Variants in FBXO36 observed in about 807,000 individuals in gnomAD.
FBXO36 encodes the protein F-box protein 36.
FBXO36 carries 18 observed loss-of-function variants against 17.0 expected under a neutral mutation model. The observed-to-expected ratio is 1.06, with a 90% CI of 0.73 to 1.57. FBXO36 has a LOEUF of 1.57. Among genes scored for constraint, FBXO36 ranks in the 40% most tolerant of loss-of-function variants. The pLI, the probability that FBXO36 is intolerant of heterozygous loss-of-function variation, is 0.00. For missense variants in FBXO36, 229 were observed against 221.9 expected (o/e 1.03, Z -0.20); for synonymous variants, 83 against 85.3 (o/e 0.97, Z 0.15).
At chr2:229,982,097 C>A (rs2077243497) in intron 2 of FBXO36, among the ~76,000 whole-genome samples, 1 of 151,842 alleles carries the variant, frequency 6.6e-6, no homozygotes, top group African/African-American at 2.4e-5. Context: ...CATCCTGGCT[C>A]ACTGCAACTT....
At chr2:229,986,438 G>A (rs1444458372) in intron 2 of FBXO36, among the ~76,000 whole-genome samples, 2 of 152,104 alleles carry the variant, frequency 1.3e-5, no homozygotes, top group South Asian at 2.1e-4. Context: ...AAGAGGTCAC[G>A]GCTGCTGTGA....
chr2:230,002,647 G>C (rs777257682), intron 3 of FBXO36, among the ~76,000 whole-genome samples: 1 of 152,062 alleles, frequency 6.6e-6, no homozygotes, highest in Non-Finnish European at 1.5e-5. Flanking sequence ...GCCTCCCAAA[G>C]TGTTAGGATT....
chr2:229,934,600 A>G (rs1415888408), intron 1 of FBXO36, among the ~76,000 whole-genome samples: 2 of 152,098 alleles, frequency 1.3e-5, no homozygotes, highest in Non-Finnish European at 2.9e-5. Flanking sequence ...GAAATGTTAA[A>G]TACTGGCACC....
At chr2:229,937,102 A>G (rs1177329318) in intron 1 of FBXO36, among the ~76,000 whole-genome samples, 1 of 152,214 alleles carries the variant, frequency 6.6e-6, no homozygotes, top group Non-Finnish European at 1.5e-5. Context: ...CCCAGAAAGA[A>G]AACAATGCTA....
intron 2 of FBXO36, among the ~76,000 whole-genome samples, chr2:229,980,811 C>T (rs961220570): frequency 6.6e-6 from 1 of 152,066 alleles, no homozygotes; most frequent in Admixed American, 6.6e-5. Flanking sequence ...ACTAACCAGG[C>T]TTTTTAAATG....
At chr2:229,989,063 G>T (rs2077285131) in intron 2 of FBXO36, among the ~76,000 whole-genome samples, 2 of 152,012 alleles carry the variant, frequency 1.3e-5, no homozygotes, top group African/African-American at 4.8e-5. Flanking sequence ...GATCATTTCA[G>T]TGTGAGATTG....
At chr2:229,953,075 C>T (rs941142185) in intron 1 of FBXO36, among the ~76,000 whole-genome samples, 2 of 152,158 alleles carry the variant, frequency 1.3e-5, no homozygotes, top group African/African-American at 2.4e-5. Context: ...CGGTGGCTCA[C>T]GCCTGTAATC....
chr2:230,010,697 T>C lies in FBXO36; in HGVS notation c.380T>C (p.Leu127Pro). Residue 127 changes from leucine (L) to proline (P), a missense_variant and splice_region_variant, in exon 4 of 4, where the codon CTG (leucine) becomes CCG (proline). Physicochemically the swap from Leu to Pro is moderately conservative, Grantham distance 98. Coordinates refer to ENST00000283946, the MANE Select transcript of FBXO36 (RefSeq NM_174899.5). The part of the protein sequence containing the change: ...LCQTSHRFAK[L>P]CMSDKLWEQI... Reference sequence around the variant, plus strand: ...ACCTCTGACTTTTCCCACCCACAGCTGTGCATGTCTGATAAACTGTGGGAA... The same window carrying C: ...ACCTCTGACTTTTCCCACCCACAGCCGTGCATGTCTGATAAACTGTGGGAA... The C allele has an allele frequency of 6.2e-7, 1 of 1,602,132 alleles. No individual in the cohort carries two copies. The highest frequency in any genetic ancestry group is 8.5e-7 in the Non-Finnish European group (1 of 1,171,122).
intron 2 of FBXO36, among the ~76,000 whole-genome samples, chr2:229,978,264 G>C (rs1281763819): frequency 6.6e-6 from 1 of 151,978 alleles, no homozygotes; most frequent in African/African-American, 2.4e-5. Flanking sequence ...CTCCAGCCTG[G>C]GCAACAGAGC....
intron 1 of FBXO36, among the ~76,000 whole-genome samples, chr2:229,929,596 G>GGC (rs1405666601): frequency 2.6e-5 from 4 of 151,832 alleles, no homozygotes; most frequent in African/African-American, 9.7e-5. Context: ...GACACAGCCA[G>GGC]GCGCGGTGGC....
At chr2:230,002,644 A>G (rs1255640676) in intron 3 of FBXO36, among the ~76,000 whole-genome samples, 1 of 152,074 alleles carries the variant, frequency 6.6e-6, no homozygotes, top group African/African-American at 2.4e-5. Context: ...TCAGCCTCCC[A>G]AAGTGTTAGG....
chr2:229,980,671 AG>A (rs2077233991), intron 2 of FBXO36, among the ~76,000 whole-genome samples: 1 of 151,906 alleles, frequency 6.6e-6, no homozygotes, highest in Non-Finnish European at 1.5e-5. Flanking sequence ...TAACTACTTG[AG>A]GGGTTCTGAT....
At chr2:229,946,886 G>C (rs1033497597) in intron 1 of FBXO36, among the ~76,000 whole-genome samples, 1 of 152,192 alleles carries the variant, frequency 6.6e-6, no homozygotes, top group Non-Finnish European at 1.5e-5. Flanking sequence ...AAGTATAGAA[G>C]TCAGGCGCTG....
intron 3 of FBXO36, 41 bp from the exon 4 acceptor site, chr2:230,010,655 C>T (rs1328527029): frequency 9.0e-6 from 14 of 1,552,954 alleles, no homozygotes; most frequent in South Asian, 1.2e-5. Flanking sequence ...TGAGTTAACA[C>T]ATGTGTGCTG....
At chr2:229,948,150 T>C (rs772996846) in intron 1 of FBXO36, among the ~76,000 whole-genome samples, 4 of 152,074 alleles carry the variant, frequency 2.6e-5, no homozygotes, top group Non-Finnish European at 5.9e-5. Context: ...AAAAAAAAAT[T>C]ATGTTTTTAA....
At chr2:229,978,491 G>T (rs555838604) in intron 2 of FBXO36, among the ~76,000 whole-genome samples, 1 of 151,946 alleles carries the variant, frequency 6.6e-6, no homozygotes, top group Non-Finnish European at 1.5e-5. Context: ...GGAGGCTGAG[G>T]CAGGATAATT....
intron 1 of FBXO36, among the ~76,000 whole-genome samples, chr2:229,968,096 A>C (rs1471149861): frequency 6.6e-6 from 1 of 151,908 alleles, no homozygotes; most frequent in African/African-American, 2.4e-5. Flanking sequence ...TCTTTTTTCA[A>C]ATGGCCACCC....
intron 1 of FBXO36, among the ~76,000 whole-genome samples, chr2:229,928,168 G>GGTTAAA (rs1479234341): frequency 3.9e-5 from 6 of 152,148 alleles, no homozygotes; most frequent in Non-Finnish European, 8.8e-5. Flanking sequence ...GAGGAAATGT[G>GGTTAAA]GTTAAACTGT....
At chr2:229,923,461 A>G (rs2076850268) in intron 1 of FBXO36, among the ~76,000 whole-genome samples, 1 of 152,188 alleles carries the variant, frequency 6.6e-6, no homozygotes, top group African/African-American at 2.4e-5. Flanking sequence ...TTCAATAGAT[A>G]CTATTCCTAT....
Sources: gnomAD v4.1 joint callset for allele counts (sites outside exome capture counted in the v4.1 genomes callset) on GRCh38, gnomAD v4.1.1 for gene constraint, MANE v1.5 for transcripts, NCBI Gene and HGNC (gene_info 2026-07-23, HGNC 2026-07-21) for gene names.